SND1: variants seen among roughly 807,000 people sequenced by gnomAD.
The protein encoded by SND1 is staphylococcal nuclease and tudor domain containing 1.
A neutral mutation model predicts 121.7 loss-of-function variants in SND1; 38 were observed. That is an observed-to-expected ratio of 0.31 (90% CI 0.24 to 0.41). The LOEUF (loss-of-function observed/expected upper bound fraction) is 0.41. Ranked by LOEUF, SND1 falls within the 10% of genes least tolerant of loss-of-function variation. SND1 has a pLI of 1.00. For synonymous variants in SND1, 401 were observed against 447.4 expected (o/e 0.90, Z 1.31); for missense variants, 868 against 1,184.6 (o/e 0.73, Z 3.92).
At chr7:127,948,542 A>C (rs1801386096) in intron 15 of SND1, among the ~76,000 whole-genome samples, 1 of 152,242 alleles carries the variant, frequency 6.6e-6, no homozygotes, top group African/African-American at 2.4e-5. Flanking sequence ...CTCTAATTGG[A>C]TAACAGAGCT....
chr7:127,698,734 T>C, intron 3 of SND1, 141 bp from the exon 4 acceptor site: 1 of 667,884 alleles, frequency 1.5e-6, no homozygotes, highest in Non-Finnish European at 2.7e-6. Context: ...AAAAACCCAA[T>C]GCTACATTGC....
intron 10 of SND1, among the ~76,000 whole-genome samples, chr7:127,749,325 G>A (rs1427241427): frequency 3.3e-5 from 5 of 152,142 alleles, no homozygotes; most frequent in Non-Finnish European, 5.9e-5. Context: ...CTAGCCTTAC[G>A]AAGATAGGCC....
At chr7:127,967,036 AC>A (rs1428717810) in intron 15 of SND1, among the ~76,000 whole-genome samples, 5 of 152,100 alleles carry the variant, frequency 3.3e-5, no homozygotes, top group African/African-American at 1.2e-4. Context: ...CAGGATGTTT[AC>A]CCCTTAGCTT....
intron 16 of SND1, among the ~76,000 whole-genome samples, chr7:128,065,895 G>A (rs576429642): frequency 2.2e-4 from 33 of 152,204 alleles, no homozygotes; most frequent in Non-Finnish European, 3.4e-4. Context: ...AGATGGGTCC[G>A]GGACAGAATG....
At chr7:127,868,657 A>G (rs1799522358) in intron 12 of SND1, among the ~76,000 whole-genome samples, 1 of 152,128 alleles carries the variant, frequency 6.6e-6, no homozygotes, top group South Asian at 2.1e-4. Context: ...GTATGATAGA[A>G]CAGAAAATAT....
At chr7:127,747,871 A>G (rs1413189712) in intron 10 of SND1, among the ~76,000 whole-genome samples, 3 of 151,798 alleles carry the variant, frequency 2.0e-5, no homozygotes, top group South Asian at 2.1e-4. Flanking sequence ...GGGACAGACT[A>G]TAGAAGACAA....
intron 16 of SND1, among the ~76,000 whole-genome samples, chr7:128,048,136 G>A (rs1375859087): frequency 1.3e-5 from 2 of 152,090 alleles, no homozygotes; most frequent in South Asian, 4.1e-4. Context: ...ATGAGCCACC[G>A]CACCCGACTG....
chr7:127,677,544 A>G (rs960821397), intron 1 of SND1, among the ~76,000 whole-genome samples: 1 of 152,234 alleles, frequency 6.6e-6, no homozygotes, highest in Non-Finnish European at 1.5e-5. Flanking sequence ...AATGCTTTAT[A>G]TCAGGGGTTG....
intron 10 of SND1, among the ~76,000 whole-genome samples, chr7:127,737,023 CT>C (rs1295595267): frequency 1.3e-5 from 2 of 152,104 alleles, no homozygotes; most frequent in Admixed American, 6.5e-5. Context: ...AAATTGCCCC[CT>C]ATTGTGATAA....
chr7:127,656,681 G>C (rs975777616), intron 1 of SND1, among the ~76,000 whole-genome samples: 9 of 152,178 alleles, frequency 5.9e-5, no homozygotes, highest in Admixed American at 5.9e-4. Context: ...TCGTTCTTAC[G>C]TGTACTTCGC....
Position 128,089,478 on chromosome 7 carries a change from C to G in SND1, c.2419-11C>G. 6 of 1,604,314 alleles carry G rather than the reference C, an allele frequency of 3.7e-6. No individual in the cohort carries two copies. Among genetic ancestry groups the G allele is most frequent in the South Asian group, 1.1e-5 (1 of 90,026 alleles). On this transcript the variant is annotated splice_polypyrimidine_tract_variant and intron_variant, in intron 21 of 23. Coordinates refer to ENST00000354725, the MANE Select transcript of SND1 (RefSeq NM_014390.4). ...CTGGCTTGCTCTGACCTGAGTGTGT[C>G]TCTGCTCCAGGATGATGCCCGCACG...
chr7:127,740,709 C>T (rs1473885578), intron 10 of SND1, among the ~76,000 whole-genome samples: 1 of 152,166 alleles, frequency 6.6e-6, no homozygotes, highest in Non-Finnish European at 1.5e-5. Flanking sequence ...AGCTTTTCTT[C>T]CCTCCACCTT....
intron 17 of SND1, among the ~76,000 whole-genome samples, chr7:128,076,387 G>A (rs1180899969): frequency 1.3e-5 from 2 of 152,200 alleles, no homozygotes; most frequent in South Asian, 2.1e-4. Flanking sequence ...CAATTAAAAT[G>A]CAGTGCACAA....
chr7:127,818,352 CT>C (rs1347656640), intron 11 of SND1, among the ~76,000 whole-genome samples: 2 of 152,124 alleles, frequency 1.3e-5, no homozygotes, highest in African/African-American at 4.8e-5. Flanking sequence ...TGATTTGGGG[CT>C]TTTCTGTGTC....
intron 10 of SND1, among the ~76,000 whole-genome samples, chr7:127,766,497 C>T (rs539665267): frequency 3.9e-5 from 6 of 152,112 alleles, no homozygotes; most frequent in South Asian, 2.1e-4. Context: ...TATCTTAGGC[C>T]GGGCGCGATG....
intron 10 of SND1, among the ~76,000 whole-genome samples, chr7:127,799,816 G>A (rs935888582): frequency 6.6e-6 from 1 of 152,192 alleles, no homozygotes; most frequent in South Asian, 2.1e-4. Flanking sequence ...TGGAAATAAA[G>A]CTGCTTTTTC....
chr7:127,708,813 G>A (rs1796250309), intron 9 of SND1, among the ~76,000 whole-genome samples: 2 of 152,186 alleles, frequency 1.3e-5, no homozygotes, highest in Non-Finnish European at 2.9e-5. Flanking sequence ...GATGCTAGAA[G>A]TTTTGTTTTT....
chr7:127,664,840 A>G, intron 1 of SND1, among the ~76,000 whole-genome samples: 1 of 152,158 alleles, frequency 6.6e-6, no homozygotes, highest in Non-Finnish European at 1.5e-5. Context: ...TCTGCAGAGA[A>G]TTAGAGGATT....
intron 10 of SND1, among the ~76,000 whole-genome samples, chr7:127,785,834 A>C (rs1797803019): frequency 6.6e-6 from 1 of 152,238 alleles, no homozygotes; most frequent in Admixed American, 6.5e-5. Context: ...TTCTTGGCAC[A>C]GATCATTGAA....
Sources: allele counts gnomAD v4.1 joint callset (sites outside exome capture counted in the v4.1 genomes callset), GRCh38; gene constraint gnomAD v4.1.1; transcripts MANE v1.5; gene names NCBI Gene and HGNC (gene_info 2026-07-23, HGNC 2026-07-21).